Variants in CHRM3 observed in about 807,000 individuals in gnomAD.
The protein encoded by CHRM3 is cholinergic receptor muscarinic 3, also known as muscarinic acetylcholine receptor M3.
A neutral mutation model predicts 41.8 loss-of-function variants in CHRM3; 11 were observed. That is an observed-to-expected ratio of 0.26 (90% CI 0.17 to 0.44). The LOEUF is 0.44. Ranked by LOEUF, CHRM3 falls within the 20% of genes least tolerant of loss-of-function variation. The probability of loss-of-function intolerance (pLI) is 1.00; values close to 1 mark genes in which losing one functional copy is unlikely to be tolerated. For missense variants in CHRM3, 571 were observed against 745.4 expected (o/e 0.77, Z 2.72); for synonymous variants, 297 against 301.4 (o/e 0.99, Z 0.15).
intron 6 of CHRM3, among the ~76,000 whole-genome samples, chr1:239,834,029 T>C (rs1014984644): frequency 6.6e-6 from 1 of 152,076 alleles, no homozygotes; most frequent in Non-Finnish European, 1.5e-5. Flanking sequence ...CTGAGTTCTC[T>C]CCAATCCCCG....
At chr1:239,551,806 G>T (rs371144745) in intron 3 of CHRM3, among the ~76,000 whole-genome samples, 1 of 152,130 alleles carries the variant, frequency 6.6e-6, no homozygotes, top group East Asian at 1.9e-4. Flanking sequence ...AAGCCACTCA[G>T]ATTTCACAGA....
intron 6 of CHRM3, among the ~76,000 whole-genome samples, chr1:239,880,970 G>A (rs1005634049): frequency 4.6e-5 from 7 of 152,136 alleles, no homozygotes; most frequent in African/African-American, 1.7e-4. Context: ...AAAGACAGCA[G>A]GCAAGTGCTA....
At chr1:239,797,481 G>T (rs908943093) in intron 5 of CHRM3, among the ~76,000 whole-genome samples, 1 of 151,800 alleles carries the variant, frequency 6.6e-6, no homozygotes, top group East Asian at 1.9e-4. Flanking sequence ...AAAGTGGCTA[G>T]GCCCACTTGA....
intron 5 of CHRM3, among the ~76,000 whole-genome samples, chr1:239,692,398 C>T (rs1053290693): frequency 1.3e-5 from 2 of 152,062 alleles, no homozygotes. Flanking sequence ...TAAATGAACT[C>T]TCCTTGAGTA....
chr1:239,502,933 A>G (rs1044999631), intron 2 of CHRM3, among the ~76,000 whole-genome samples: 1 of 152,194 alleles, frequency 6.6e-6, no homozygotes, highest in Admixed American at 6.5e-5. Context: ...GCCATCTATG[A>G]CAAACCCACA....
At chr1:239,762,125 A>G (rs488059) in intron 5 of CHRM3, among the ~76,000 whole-genome samples, 141,873 of 151,918 alleles carry the variant, frequency 0.93, 66,998 homozygotes, top group East Asian at 1. Flanking sequence ...AGTTGAGGCA[A>G]TAGGGTAAAT....
At chr1:239,814,625 G>A (rs924196997) in intron 5 of CHRM3, among the ~76,000 whole-genome samples, 1 of 152,096 alleles carries the variant, frequency 6.6e-6, no homozygotes, top group Non-Finnish European at 1.5e-5. Context: ...CAAGTGATTA[G>A]TGACTATGCA....
At chr1:239,772,435 G>T (rs1667763055) in intron 5 of CHRM3, among the ~76,000 whole-genome samples, 1 of 152,180 alleles carries the variant, frequency 6.6e-6, no homozygotes, top group Non-Finnish European at 1.5e-5. Context: ...ACAGGCATGA[G>T]CCACCATGCC....
intron 2 of CHRM3, among the ~76,000 whole-genome samples, chr1:239,501,048 G>A (rs1668210472): frequency 6.6e-6 from 1 of 152,170 alleles, no homozygotes; most frequent in African/African-American, 2.4e-5. Flanking sequence ...TTATATAATG[G>A]TAAAAGACCT....
At chr1:239,633,702 C>T (rs1054624918) in intron 4 of CHRM3, among the ~76,000 whole-genome samples, 7 of 152,108 alleles carry the variant, frequency 4.6e-5, no homozygotes, top group Non-Finnish European at 8.8e-5. Context: ...ATCATTCTAT[C>T]AGGAAGTCAC....
chr1:239,403,976 G>GGAGATAGAGAGAGA, intron 1 of CHRM3, among the ~76,000 whole-genome samples: 1 of 46,488 alleles, frequency 2.2e-5, no homozygotes, highest in Non-Finnish European at 3.9e-5. Flanking sequence ...AGAGGGAGGG[G>GGAGATAGAGAGAGA]GAGAGAGAGA....
At chr1:239,451,585 A>C (rs1277491111) in intron 1 of CHRM3, among the ~76,000 whole-genome samples, 1 of 152,194 alleles carries the variant, frequency 6.6e-6, no homozygotes, top group Non-Finnish European at 1.5e-5. Context: ...ATATTCACAC[A>C]TGTAGAGCAC....
At chr1:239,820,283 G>A (rs1671931350) in intron 5 of CHRM3, among the ~76,000 whole-genome samples, 1 of 152,180 alleles carries the variant, frequency 6.6e-6, no homozygotes, top group South Asian at 2.1e-4. Flanking sequence ...GAGGTAGGAA[G>A]TGTGGGTGAT....
At chr1:239,849,126 G>T (rs957044381) in intron 6 of CHRM3, among the ~76,000 whole-genome samples, 6 of 152,248 alleles carry the variant, frequency 3.9e-5, no homozygotes, top group African/African-American at 1.4e-4. Context: ...TGGATAAATG[G>T]TCTTTTAAAA....
At chr1:239,554,116 TG>T (rs1175444327) in intron 3 of CHRM3, among the ~76,000 whole-genome samples, 1 of 152,202 alleles carries the variant, frequency 6.6e-6, no homozygotes, top group African/African-American at 2.4e-5. Flanking sequence ...CTCGAATGCC[TG>T]GCCTCAAGTG....
chr1:239,734,483 G>A (rs916341318), intron 5 of CHRM3, among the ~76,000 whole-genome samples: 18 of 152,062 alleles, frequency 1.2e-4, no homozygotes, highest in Admixed American at 4.6e-4. Context: ...GCTAGGGGCA[G>A]AGCACAACCC....
chr1:239,667,155 T>C (rs971732234), intron 4 of CHRM3, among the ~76,000 whole-genome samples: 1 of 152,188 alleles, frequency 6.6e-6, no homozygotes, highest in Non-Finnish European at 1.5e-5. Flanking sequence ...ATTGCTTATA[T>C]TGGCAGCTGA....
chr1:239,816,694 A>G (rs1218512745), intron 5 of CHRM3, among the ~76,000 whole-genome samples: 1 of 151,724 alleles, frequency 6.6e-6, no homozygotes, highest in Admixed American at 6.6e-5. Context: ...TGACTGAAGA[A>G]ACTGCAGAAA....
chr1:239,601,105 T>C (rs1338015302), intron 3 of CHRM3, among the ~76,000 whole-genome samples: 1 of 152,210 alleles, frequency 6.6e-6, no homozygotes, highest in Non-Finnish European at 1.5e-5. Context: ...ACTTCTTAAG[T>C]GGATCCTCAC....
Sources: gnomAD v4.1 joint callset for allele counts (sites outside exome capture counted in the v4.1 genomes callset) on GRCh38, gnomAD v4.1.1 for gene constraint, MANE v1.5 for transcripts, NCBI Gene and HGNC (gene_info 2026-07-23, HGNC 2026-07-21) for gene names.